The following WDR86 variants were observed in gnomAD, a reference collection of about 807,000 sequenced individuals.
WDR86 encodes WD repeat-containing protein 86.
WDR86 carries 30 observed loss-of-function variants against 36.5 expected under a neutral mutation model. That is an observed-to-expected ratio of 0.82 (90% confidence interval 0.61 to 1.11). The LOEUF is 1.11. Ranked by LOEUF, WDR86 falls within the 50% of genes most tolerant of loss-of-function variation. WDR86 has a pLI of 0.00. For synonymous variants in WDR86, 255 were observed against 252.9 expected (o/e 1.01, Z -0.08); for missense variants, 545 against 561.2 (o/e 0.97, Z 0.29).
chr7:151,398,500 G>A (rs542727811), intron 2 of WDR86, among the ~76,000 whole-genome samples: 23 of 151,706 alleles, frequency 1.5e-4, no homozygotes, highest in South Asian at 8.3e-4. Flanking sequence ...ATATGTGTGC[G>A]CACGTGTGTA....
chr7:151,382,256 G>A lies in WDR86; in HGVS notation c.863-275C>T, dbSNP rs115762414. ...CCCCACTCCGCGGTTTGGTGAAGTT[G>A]GTTTCCGTGCCTGCTTGGGAAGCCC... On this transcript the variant is annotated intron_variant, in intron 4 of 5. Coordinates refer to ENST00000334493, the MANE Select transcript of WDR86 (RefSeq NM_198285.3). 6.5e-3 allele frequency among the ~76,000 whole-genome samples: 986 copies of A among 152,344 alleles called. 12 individuals are homozygous for A. The highest frequency in any genetic ancestry group is 0.022 in the African/African-American group (926 of 41,584).
rs554541992 is a variant in WDR86, at chr7:151,401,746, G to A, written c.164-1505C>T. 6.6e-6 allele frequency among the ~76,000 whole-genome samples: 1 copy of A among 151,782 alleles called. No homozygotes were observed. The highest frequency in any genetic ancestry group is 2.4e-5 in the African/African-American group (1 of 41,320). On this transcript the variant is annotated intron_variant, in intron 1 of 5. Coordinates refer to ENST00000334493, the MANE Select transcript of WDR86 (RefSeq NM_198285.3). The surrounding 1 kb of genome is among the most constrained non-coding windows in gnomAD (Gnocchi z 4.3). Reference sequence around the variant, plus strand: ...GGAGATTATCCTAGATTATCCGGGGGGTCCTAAATACAACCGCAAGTGGCC... The same window carrying A: ...GGAGATTATCCTAGATTATCCGGGGAGTCCTAAATACAACCGCAAGTGGCC...
chr7:151,376,691 G>C (rs1255755407), downstream of WDR86: 1 of 1,610,754 alleles, frequency 6.2e-7, no homozygotes, highest in Non-Finnish European at 8.5e-7. Context: ...AGTGTTCAGA[G>C]GCAACGTCCA....
At chr7:151,402,067 AAAAATAT>A (rs1800356944) in intron 1 of WDR86, among the ~76,000 whole-genome samples, 1 of 108,270 alleles carries the variant, frequency 9.2e-6, no homozygotes, top group African/African-American at 4.0e-5. Flanking sequence ...AAAAAAAAAA[AAAAATAT>A]ATATATATAT....
At chr7:151,370,605 C>T in the WDR86 span, among the ~76,000 whole-genome samples, 4 of 151,560 alleles carry the variant, frequency 2.6e-5, no homozygotes, top group Non-Finnish European at 4.4e-5. Context: ...AGGTTAGTTA[C>T]ATATGTATAC....
At chr7:151,385,417 TG>T in intron 3 of WDR86, 194 bp from the exon 4 acceptor site, 1 of 957,338 alleles carries the variant, frequency 1.0e-6, no homozygotes, top group East Asian at 2.7e-5. Flanking sequence ...TCCTGCCCCA[TG>T]GGGCAGCCAG....
intron 3 of WDR86, among the ~76,000 whole-genome samples, chr7:151,386,115 G>A (rs1381224624): frequency 2.0e-5 from 3 of 152,176 alleles, no homozygotes; most frequent in Admixed American, 6.5e-5. Flanking sequence ...AGTCAGAAGC[G>A]GGTCAGGCAC....
downstream of WDR86, among the ~76,000 whole-genome samples, chr7:151,371,227 C>T (rs1016491627): frequency 6.6e-6 from 1 of 152,188 alleles, no homozygotes; most frequent in African/African-American, 2.4e-5. Context: ...GCCTAAACAT[C>T]AAAACAAGGG....
At position 151,388,047 on chromosome 7, in the gene WDR86, A is replaced by G. The variant is rs1389304562; in HGVS notation, c.727-2824T>C. Among the ~76,000 whole-genome samples the G allele has an allele frequency of 6.6e-6, 1 of 152,212 alleles. No individual in the cohort carries two copies. The highest frequency in any genetic ancestry group is 1.5e-5 in the Non-Finnish European group (1 of 68,026). On this transcript the variant is annotated intron_variant, in intron 3 of 5. Coordinates refer to ENST00000334493, the MANE Select transcript of WDR86 (RefSeq NM_198285.3). This position sits in a 1 kb window ranked among gnomAD's most constrained non-coding sequence, Gnocchi z 4.2. ...TAACCCCCGCCCATCCCCAAAACGC[A>G]GGTGCAATCTCTGCCCGCCGGCTCC...
downstream of WDR86, chr7:151,377,024 AC>A (rs1584981652): frequency 6.0e-6 from 9 of 1,511,254 alleles, no homozygotes; most frequent in Non-Finnish European, 8.0e-6. Context: ...TAATTCACTT[AC>A]TCCTGCGGTA....
chr7:151,371,798 C>T (rs1231938899), downstream of WDR86, among the ~76,000 whole-genome samples: 1 of 152,168 alleles, frequency 6.6e-6, no homozygotes, highest in Non-Finnish European at 1.5e-5. Flanking sequence ...GGCTGGAGGG[C>T]AGTGGCGTGA....
intron 2 of WDR86, among the ~76,000 whole-genome samples, chr7:151,397,678 A>ATAGCGGGAGGAAGAGGGTG (rs1426693750): frequency 0.033 from 779 of 23,884 alleles, 70 homozygotes; most frequent in East Asian, 0.15. Flanking sequence ...GAGGAAGAGC[A>ATAGCGGGAGGAAGAGGGTG]TAGCGGGAGG....
In WDR86 at chr7:151,409,360, C is replaced by G. The variant is rs1801012370; in HGVS notation, c.163+67G>C. ...AGAAAGGGGTCTGCGGGCGCAGGAG[C>G]TGGGGTCCGCGGTCTGGGGCCGGTG... On this transcript the variant is annotated intron_variant, in intron 1 of 5. Coordinates refer to ENST00000334493, the MANE Select transcript of WDR86 (RefSeq NM_198285.3). This position sits in a 1 kb window ranked among gnomAD's most constrained non-coding sequence, Gnocchi z 5.2. 6.5e-7 allele frequency: 1 copy of G among 1,539,590 alleles called. No individual in the cohort carries two copies. Among genetic ancestry groups the G allele is most frequent in the Non-Finnish European group, 8.8e-7 (1 of 1,140,146 alleles).
chr7:151,393,195 TCA>T (rs1312760618), intron 3 of WDR86, among the ~76,000 whole-genome samples: 1 of 152,166 alleles, frequency 6.6e-6, no homozygotes, highest in African/African-American at 2.4e-5. Context: ...TTGTCTGTGT[TCA>T]CACGTGTGTT....
chr7:151,381,511 G>A lies in WDR86; in HGVS notation c.*71C>T, dbSNP rs1286565318. 3 of 1,445,142 alleles carry A rather than the reference G, an allele frequency of 2.1e-6. No individual in the cohort carries two copies. Among genetic ancestry groups the A allele is most frequent in the Admixed American group, 2.9e-5 (1 of 33,964 alleles). 89.5% of individuals were successfully genotyped at this position (1,445,142 alleles called of 1,614,324 possible). On this transcript the variant is annotated 3_prime_UTR_variant, in exon 6 of 6. Transcript: ENST00000334493. The surrounding 1 kb of genome is among the most constrained non-coding windows in gnomAD (Gnocchi z 4.8). ...TCGCCGGCCATCGGGCGCCACCACC[G>A]CGGGTAGCAGGGCGGGGCGCTCTGG...
chr7:151,386,398 C>T (rs1322432515), intron 3 of WDR86, among the ~76,000 whole-genome samples: 1 of 152,214 alleles, frequency 6.6e-6, no homozygotes, highest in Non-Finnish European at 1.5e-5. Flanking sequence ...ACGAGGAGCA[C>T]AATGTGGCCT....
intron 3 of WDR86, among the ~76,000 whole-genome samples, chr7:151,389,409 G>A (rs887554458): frequency 1.1e-4 from 17 of 152,176 alleles, no homozygotes; most frequent in Admixed American, 1.1e-3. Context: ...TGTGAGTGGT[G>A]CAGACACCAC....
At chr7:151,377,755 T>C (rs1272042940), downstream of WDR86, 1 of 152,344 alleles carries the variant, frequency 6.6e-6, no homozygotes, top group East Asian at 1.9e-4. Context: ...CTGTGGGGCA[T>C]AACGATGAGG....
At position 151,381,476 on chromosome 7, in the gene WDR86, T is replaced by TCCTCGCC. The variant is rs751804373; in HGVS notation, c.*99_*105dup. ...TCTCCTCCCGCCCGGGCTTCCTCGC[T>TCCTCGCC]CCTCGCCCCTCGCCGGCCATCGGGC... On this transcript the variant is annotated 3_prime_UTR_variant, in exon 6 of 6. Coordinates refer to ENST00000334493, the MANE Select transcript of WDR86 (RefSeq NM_198285.3). The surrounding 1 kb of genome is among the most constrained non-coding windows in gnomAD (Gnocchi z 4.8). The TCCTCGCC allele has an allele frequency of 3.4e-6, 5 of 1,475,370 alleles. No individual in the cohort carries two copies. Among genetic ancestry groups the TCCTCGCC allele is most frequent in the East Asian group, 3.0e-5 (1 of 33,876 alleles). 91.4% of individuals were successfully genotyped at this position (1,475,370 alleles called of 1,614,324 possible). A position where few individuals can be genotyped will look rare whatever the true frequency, so the allele number is the denominator to read the frequency against.
Sources: allele counts gnomAD v4.1 joint callset (sites outside exome capture counted in the v4.1 genomes callset), GRCh38; gene constraint gnomAD v4.1.1; non-coding constraint Gnocchi (gnomAD v3.1); transcripts MANE v1.5; gene names NCBI Gene and HGNC (gene_info 2026-07-23, HGNC 2026-07-21).